The following ZIM2 variants were observed in gnomAD, a reference collection of about 807,000 sequenced individuals.
ZIM2 encodes the protein zinc finger imprinted 2, also known as zinc finger protein 656.
In ZIM2, 14 loss-of-function variants were observed where a neutral mutation model predicts 38.6. The ratio of observed to expected loss-of-function variants is 0.36; its 90% CI spans 0.24 to 0.57. The LOEUF is 0.57. ZIM2 is among the 20% of genes least tolerant of loss of function. ZIM2 has a pLI of 0.81. For missense variants in ZIM2, 680 were observed against 695.1 expected (o/e 0.98, Z 0.24); for synonymous variants, 247 against 245.8 (o/e 1.00, Z -0.04).
At chr19:56,815,964 T>A in intron 9 of ZIM2, 1 of 1,587,916 alleles carries the variant, frequency 6.3e-7, no homozygotes, top group Non-Finnish European at 8.6e-7. Flanking sequence ...ATTCCCTTCC[T>A]TCAGAGGTGT....
chr19:56,810,394 T>C, intron 9 of ZIM2: 1 of 985,302 alleles, frequency 1.0e-6, no homozygotes, highest in African/African-American at 1.7e-5. Flanking sequence ...ACCACACAAC[T>C]ATTTCTTGTT....
intron 10 of ZIM2, among the ~76,000 whole-genome samples, chr19:56,783,747 C>T (rs1040196884): frequency 2.0e-5 from 3 of 152,080 alleles, no homozygotes; most frequent in African/African-American, 7.2e-5. Flanking sequence ...TCTGAGGTGA[C>T]ATACTCATTC....
At chr19:56,816,675 G>C (rs1600942387) in intron 9 of ZIM2, 2 of 1,614,000 alleles carry the variant, frequency 1.2e-6, no homozygotes, top group East Asian at 4.5e-5. Context: ...CATTATCTTT[G>C]TCATCCCCAA....
chr19:56,814,073 C>T lies in ZIM2; in HGVS notation c.490+3673G>A. ...GCTCTTTCTTCTGGGTCTTCAATAC[C>T]TGCACCATCTGGCTCATCAGCATCC... On this transcript the variant is annotated intron_variant, in intron 9 of 12. Transcript: ENST00000629319. The surrounding 1 kb of genome is among the most constrained non-coding windows in gnomAD (Gnocchi z 5.8). The T allele has an allele frequency of 3.1e-6, 5 of 1,614,170 alleles. No individual in the cohort carries two copies. The highest frequency in any genetic ancestry group is 4.2e-6 in the Non-Finnish European group (5 of 1,180,036).
At chr19:56,823,250 C>T (rs1392671920) in intron 5 of ZIM2, among the ~76,000 whole-genome samples, 2 of 152,192 alleles carry the variant, frequency 1.3e-5, no homozygotes, top group East Asian at 1.9e-4. Flanking sequence ...CACACACCCT[C>T]CCTGAAAGCA....
intron 1 of ZIM2, among the ~76,000 whole-genome samples, chr19:56,837,044 C>T (rs983907274): frequency 8.6e-5 from 13 of 151,112 alleles, no homozygotes; most frequent in Non-Finnish European, 1.8e-4. Flanking sequence ...GTGTCACTTT[C>T]CCTACCTCAA....
At chr19:56,816,484 T>G (rs764000392) in intron 9 of ZIM2, 31 of 1,613,456 alleles carry the variant, frequency 1.9e-5, no homozygotes, top group Non-Finnish European at 2.5e-5. Context: ...TTCAAATGGG[T>G]TCCCTCTAGT....
intron 9 of ZIM2, among the ~76,000 whole-genome samples, chr19:56,792,319 T>C (rs2046975542): frequency 4.6e-5 from 7 of 151,436 alleles, no homozygotes; most frequent in African/African-American, 1.7e-4. Context: ...GATCACAAGG[T>C]CAGGAGTTCG....
intron 9 of ZIM2, chr19:56,799,584 C>G (rs902842706): frequency 6.6e-6 from 1 of 152,066 alleles, no homozygotes; most frequent in Non-Finnish European, 1.5e-5. Context: ...ACACATCCTG[C>G]ACATGTACCC....
intron 1 of ZIM2, among the ~76,000 whole-genome samples, chr19:56,839,118 A>G (rs762401236): frequency 5.4e-5 from 8 of 149,366 alleles, no homozygotes; most frequent in Middle Eastern, 7.2e-3. Flanking sequence ...AATCTCAAGC[A>G]CTTTCATTAA....
chr19:56,833,789 T>C (rs540842928), intron 2 of ZIM2: 15 of 152,662 alleles, frequency 9.8e-5, no homozygotes, highest in Admixed American at 5.9e-4. Context: ...ATATGGGACA[T>C]AGGGACTTTA....
intron 9 of ZIM2, chr19:56,815,078 G>A (rs748675344): frequency 2.5e-6 from 4 of 1,613,920 alleles, no homozygotes; most frequent in Non-Finnish European, 3.4e-6. Context: ...TGGTCTGTGA[G>A]GTCTGTGAGA....
chr19:56,774,957 C>G lies in ZIM2; in HGVS notation c.1408G>C (p.Val470Leu), dbSNP rs775450468. The change falls in exon 13 of 13, where the codon GTC becomes CTC. Residue 470 changes from valine (V) to leucine (L), a missense_variant. Val to Leu is a conservative substitution (Grantham distance 32). Coordinates refer to ENST00000629319, the MANE Select transcript of ZIM2 (RefSeq NM_001387356.1). The stretch of plus-strand genomic sequence containing the variant: ...CTGTGGGACAACCCAGGAGGAAGGA[C>G]TCTTGCTGCCTCATGGGCTTTGAGA... The part of the protein sequence containing the change: ...QHLKAHEAAR[V>L]LPPGLSHSKT... 4.3e-6 allele frequency: 7 copies of G among 1,614,212 alleles called. No homozygotes were observed. Among genetic ancestry groups the G allele is most frequent in the Middle Eastern group, 1.6e-4 (1 of 6,062 alleles).
chr19:56,785,385 C>T (rs12977035), intron 10 of ZIM2, among the ~76,000 whole-genome samples: 35,173 of 152,044 alleles, frequency 0.23, 4,663 homozygotes, highest in Non-Finnish European at 0.31. Context: ...CCTCGCTCCC[C>T]CCACCCCAGT....
At chr19:56,798,103 AAAGAAGT>A (rs1451860550) in intron 9 of ZIM2, 7 of 152,230 alleles carry the variant, frequency 4.6e-5, no homozygotes, top group Non-Finnish European at 8.8e-5. Flanking sequence ...AAAAAATGAA[AAAGAAGT>A]TTTTACAATC....
chr19:56,810,595 A>G (rs933497198), intron 9 of ZIM2: 2 of 930,414 alleles, frequency 2.1e-6, no homozygotes, highest in African/African-American at 3.6e-5. Flanking sequence ...GAAAATACAT[A>G]CATAAAATTT....
intron 3 of ZIM2, chr19:56,824,761 A>C (rs1246211804): frequency 9.2e-7 from 1 of 1,087,636 alleles, no homozygotes; most frequent in Non-Finnish European, 1.3e-6. Context: ...GTAAGGAGAT[A>C]TACACATGTC....
At chr19:56,812,486 T>G (rs1291712866) in intron 9 of ZIM2, 1 of 985,120 alleles carries the variant, frequency 1.0e-6, no homozygotes, top group Non-Finnish European at 1.2e-6. Flanking sequence ...GAGAATTAAG[T>G]TAGCGATAGA....
rs1375768816 is a variant in ZIM2 at position 56,775,465 on chromosome 19, T to C, written c.900A>G (p.Ile300Met). Residue 300 changes from isoleucine to methionine, a missense_variant, in exon 13 of 13, where the codon ATA becomes ATG. Physicochemically the swap from Ile to Met is conservative, Grantham distance 10. Transcript: ENST00000629319. ...TGAGGGTCTTGGGGTCATTCATTGT[T>C]ATAGGAGTCAAAAGTTTCTCTTGGT... is the stretch of plus-strand genomic sequence containing the variant. ...QGNQEKLLTP[I>M]TMNDPKTLTP... The C allele has an allele frequency of 5.0e-6, 8 of 1,613,882 alleles. No individual in the cohort carries two copies. Among genetic ancestry groups the C allele is most frequent in the Non-Finnish European group, 6.8e-6 (8 of 1,180,020 alleles).
Sources: allele counts gnomAD v4.1 joint callset (sites outside exome capture counted in the v4.1 genomes callset), GRCh38; gene constraint gnomAD v4.1.1; non-coding constraint Gnocchi (gnomAD v3.1); transcripts MANE v1.5; gene names NCBI Gene and HGNC (gene_info 2026-07-23, HGNC 2026-07-21).